Variants in SLC4A10 observed in about 807,000 individuals in gnomAD.
SLC4A10 encodes sodium-driven chloride bicarbonate exchanger.
In SLC4A10, 42 loss-of-function variants were observed where a neutral mutation model predicts 137.7. The observed-to-expected ratio is 0.30, with a 90% CI of 0.24 to 0.39. The LOEUF is 0.39. SLC4A10 is among the 10% of genes least tolerant of loss of function. The pLI, the probability that SLC4A10 is intolerant of heterozygous loss-of-function variation, is 1.00. For missense variants in SLC4A10, 925 were observed against 1,355.0 expected (o/e 0.68, Z 4.98); for synonymous variants, 474 against 464.1 (o/e 1.02, Z -0.27).
intron 1 of SLC4A10, among the ~76,000 whole-genome samples, chr2:161,710,150 G>A (rs2044124268): frequency 9.9e-5 from 15 of 151,608 alleles, no homozygotes; most frequent in Admixed American, 9.2e-4. Flanking sequence ...AGGCTACTTA[G>A]CCAGCTTATA....
At chr2:161,924,309 G>C (rs567992295) in intron 15 of SLC4A10, among the ~76,000 whole-genome samples, 2 of 151,860 alleles carry the variant, frequency 1.3e-5, no homozygotes, top group South Asian at 2.1e-4. Flanking sequence ...TGATATGTAA[G>C]AACATAAGAA....
chr2:161,881,529 T>C (rs1013642821), intron 9 of SLC4A10, among the ~76,000 whole-genome samples: 9 of 152,044 alleles, frequency 5.9e-5, no homozygotes, highest in Non-Finnish European at 1.3e-4. Context: ...ACTATTTTAG[T>C]ACACCTTGTG....
intron 21 of SLC4A10, among the ~76,000 whole-genome samples, chr2:161,958,911 C>G (rs1696134301): frequency 1.3e-5 from 2 of 152,104 alleles, no homozygotes; most frequent in African/African-American, 4.8e-5. Context: ...TAGGAAAAGT[C>G]TTTATGCACG....
chr2:161,696,002 T>A (rs919462756), intron 1 of SLC4A10, among the ~76,000 whole-genome samples: 84 of 152,148 alleles, frequency 5.5e-4, no homozygotes, highest in African/African-American at 1.6e-3. Context: ...CATGTTGGTG[T>A]GCTGCACCCA....
At position 161,790,333 on chromosome 2, in the gene SLC4A10, T is replaced by C. The variant is rs77539642; in HGVS notation, c.131-14116T>C. On this transcript the variant is annotated intron_variant, in intron 2 of 26. Coordinates refer to ENST00000446997, the MANE Select transcript of SLC4A10 (RefSeq NM_001178015.2). Reference sequence around the variant, plus strand: ...AGCCTCATGTTCTCTTACTTTAAATTATCTTCTCTGCTGTACCACAAAATA... The same window carrying C: ...AGCCTCATGTTCTCTTACTTTAAATCATCTTCTCTGCTGTACCACAAAATA... 8.9e-3 allele frequency among the ~76,000 whole-genome samples: 1,362 copies of C among 152,272 alleles called. 80 individuals are homozygous for C. The East Asian group carries it at 0.15, about 17-fold the overall frequency.
intron 1 of SLC4A10, among the ~76,000 whole-genome samples, chr2:161,727,597 C>T (rs1036682715): frequency 1.3e-5 from 2 of 151,950 alleles, no homozygotes; most frequent in Non-Finnish European, 2.9e-5. Flanking sequence ...AAAGAAGGTG[C>T]TATTACACAG....
chr2:161,761,876 C>T (rs1410867724), intron 1 of SLC4A10, among the ~76,000 whole-genome samples: 1 of 152,138 alleles, frequency 6.6e-6, no homozygotes, highest in Non-Finnish European at 1.5e-5. Context: ...CCTGACCTAA[C>T]TGTGTGGTCC....
intron 1 of SLC4A10, among the ~76,000 whole-genome samples, chr2:161,712,389 G>GT (rs1162883163): frequency 2.0e-5 from 3 of 151,124 alleles, no homozygotes; most frequent in Admixed American, 1.3e-4. Context: ...AAATTAAGGG[G>GT]TAAAAAAAAG....
In SLC4A10 at chr2:161,770,274, C is replaced by T. The variant is rs534140241; in HGVS notation, c.49-699C>T. Among the ~76,000 whole-genome samples the T allele has an allele frequency of 3.8e-4, 57 of 151,962 alleles. No individual in the cohort carries two copies. In the South Asian group the frequency reaches 5.4e-3, roughly 14 times the overall value. ...TGTCAAAATAGATTATACTCAGCCCCCCTGCCATTATTTTTTGAGTACCAA... is the reference window on the plus strand; with the variant it reads ...TGTCAAAATAGATTATACTCAGCCCTCCTGCCATTATTTTTTGAGTACCAA... On this transcript the variant is annotated intron_variant, in intron 1 of 26. Coordinates refer to ENST00000446997, the MANE Select transcript of SLC4A10 (RefSeq NM_001178015.2).
At chr2:161,827,966 A>G (rs918103720) in intron 3 of SLC4A10, among the ~76,000 whole-genome samples, 1 of 152,170 alleles carries the variant, frequency 6.6e-6, no homozygotes, top group Non-Finnish European at 1.5e-5. Flanking sequence ...TCTGGCAGGT[A>G]GAAATATAAG....
chr2:161,922,481 A>C (rs1688311188), intron 15 of SLC4A10, among the ~76,000 whole-genome samples: 1 of 152,142 alleles, frequency 6.6e-6, no homozygotes, highest in Admixed American at 6.5e-5. Flanking sequence ...AATTTAATTA[A>C]ATGATTAATA....
chr2:161,859,523 A>G (rs1429041554), intron 5 of SLC4A10, among the ~76,000 whole-genome samples: 1 of 145,176 alleles, frequency 6.9e-6, no homozygotes, highest in Non-Finnish European at 1.5e-5. Flanking sequence ...AAGTGCTACT[A>G]GTTTTTCTAG....
chr2:161,817,957 A>T (rs2125674301), intron 3 of SLC4A10, among the ~76,000 whole-genome samples: 1 of 151,470 alleles, frequency 6.6e-6, no homozygotes, highest in East Asian at 2.0e-4. Flanking sequence ...TGACTTGGTG[A>T]TGTGGGTTCT....
intron 1 of SLC4A10, among the ~76,000 whole-genome samples, chr2:161,756,811 G>A (rs1172279166): frequency 6.6e-6 from 1 of 151,944 alleles, no homozygotes; most frequent in Non-Finnish European, 1.5e-5. Flanking sequence ...AAGTTTAAAA[G>A]AATCAAAATA....
At chr2:161,913,969 G>T (rs1365492263) in intron 15 of SLC4A10, among the ~76,000 whole-genome samples, 1 of 152,190 alleles carries the variant, frequency 6.6e-6, no homozygotes, top group Non-Finnish European at 1.5e-5. Context: ...TCTGCTGGAT[G>T]ATGTAAGTGT....
intron 3 of SLC4A10, among the ~76,000 whole-genome samples, chr2:161,836,691 G>A (rs2058840794): frequency 4.0e-5 from 6 of 149,352 alleles, no homozygotes. Context: ...CATTGAAGAA[G>A]CTCAGGGTTC....
intron 1 of SLC4A10, among the ~76,000 whole-genome samples, chr2:161,685,900 G>T (rs568483503): frequency 1.3e-5 from 2 of 152,106 alleles, no homozygotes; most frequent in African/African-American, 4.8e-5. Flanking sequence ...GTACTATAAA[G>T]GTTTGCAATA....
intron 1 of SLC4A10, among the ~76,000 whole-genome samples, chr2:161,654,019 C>G (rs1039359718): frequency 6.6e-6 from 1 of 152,114 alleles, no homozygotes; most frequent in Non-Finnish European, 1.5e-5. Context: ...GTATAAGTGT[C>G]CAATTTCTCT....
At chr2:161,702,223 A>G (rs1465576932) in intron 1 of SLC4A10, among the ~76,000 whole-genome samples, 1 of 151,996 alleles carries the variant, frequency 6.6e-6, no homozygotes, top group Non-Finnish European at 1.5e-5. Context: ...ATAGCCATAA[A>G]AAGAATAAAA....
Sources: allele counts gnomAD v4.1 joint callset (sites outside exome capture counted in the v4.1 genomes callset), GRCh38; gene constraint gnomAD v4.1.1; transcripts MANE v1.5; gene names NCBI Gene and HGNC (gene_info 2026-07-23, HGNC 2026-07-21).